KALRN: variants seen among roughly 807,000 people sequenced by gnomAD.
The protein encoded by KALRN is kalirin RhoGEF kinase.
Under a neutral mutation model 353.7 loss-of-function variants are expected in KALRN, and 70 were observed. That is an observed-to-expected ratio of 0.20 (90% CI 0.16 to 0.24). KALRN has a LOEUF of 0.24. Among genes scored for constraint, KALRN ranks in the 10% least tolerant of loss-of-function variants. The pLI is 1.00. For synonymous variants in KALRN, 1,391 were observed against 1,434.8 expected, an observed-to-expected ratio of 0.97 and a Z score of 0.69; for missense variants, 2,791 against 3,756.7, an observed-to-expected ratio of 0.74 and a Z score of 6.72.
intron 51 of KALRN, among the ~76,000 whole-genome samples, chr3:124,689,061 G>A (rs1426248931): frequency 6.6e-6 from 1 of 152,226 alleles, no homozygotes; most frequent in Non-Finnish European, 1.5e-5. Context: ...TTAGGAACCT[G>A]TAGTTCTTTC....
chr3:124,400,344 T>G (rs1010124090), intron 13 of KALRN, among the ~76,000 whole-genome samples: 1 of 152,160 alleles, frequency 6.6e-6, no homozygotes, highest in Non-Finnish European at 1.5e-5. Context: ...TCCTGCCTCC[T>G]TGGGAGAACT....
chr3:124,472,605 G>GTGTA (rs60050774), intron 25 of KALRN, among the ~76,000 whole-genome samples: 1 of 150,274 alleles, frequency 6.7e-6, no homozygotes, highest in African/African-American at 2.5e-5. Context: ...GTGTGTGTGT[G>GTGTA]TACCTGTGTG....
chr3:124,480,265 A>G (rs1215044144), intron 27 of KALRN, among the ~76,000 whole-genome samples: 1 of 152,144 alleles, frequency 6.6e-6, no homozygotes, highest in Admixed American at 6.5e-5. Flanking sequence ...ATCATCCTCA[A>G]ACAAGTCTTG....
intron 34 of KALRN, among the ~76,000 whole-genome samples, chr3:124,573,253 A>G (rs1380615651): frequency 6.6e-6 from 1 of 152,152 alleles, no homozygotes; most frequent in Non-Finnish European, 1.5e-5. Flanking sequence ...ATGGAGCAAG[A>G]CTCCATTTCT....
intron 34 of KALRN, among the ~76,000 whole-genome samples, chr3:124,566,720 G>A (rs898696850): frequency 2.6e-5 from 4 of 152,068 alleles, no homozygotes; most frequent in Admixed American, 6.6e-5. Context: ...TTGGCAAACC[G>A]CCTTTTCTTC....
intron 34 of KALRN, among the ~76,000 whole-genome samples, chr3:124,612,562 C>T (rs929457189): frequency 6.6e-6 from 1 of 152,218 alleles, no homozygotes; most frequent in African/African-American, 2.4e-5. Context: ...GTCTTGAACT[C>T]CTCACCTCAG....
chr3:124,133,116 T>C (rs1397532481), intron 1 of KALRN: 1 of 152,306 alleles, frequency 6.6e-6, no homozygotes, highest in Non-Finnish European at 1.5e-5. Flanking sequence ...CCAATTGATC[T>C]GATGGTGCGG....
At chr3:124,461,527 A>T (rs1051465091) in intron 23 of KALRN, among the ~76,000 whole-genome samples, 1 of 152,156 alleles carries the variant, frequency 6.6e-6, no homozygotes, top group African/African-American at 2.4e-5. Flanking sequence ...GATTCAAGCT[A>T]TCTAGTTTAG....
intron 37 of KALRN, among the ~76,000 whole-genome samples, chr3:124,643,476 ATTT>A (rs1432981533): frequency 2.6e-5 from 4 of 151,892 alleles, no homozygotes; most frequent in African/African-American, 9.7e-5. Flanking sequence ...TTACTTAAGG[ATTT>A]TGTTGTTGTT....
chr3:124,096,932 G>A (rs1295176724), intron 1 of KALRN, among the ~76,000 whole-genome samples: 2 of 152,212 alleles, frequency 1.3e-5, no homozygotes, highest in Non-Finnish European at 1.5e-5. Flanking sequence ...TTCCATGCAC[G>A]TTTGATCACC....
intron 33 of KALRN, among the ~76,000 whole-genome samples, chr3:124,530,235 A>G (rs1455202075): frequency 6.6e-6 from 1 of 152,220 alleles, no homozygotes; most frequent in East Asian, 1.9e-4. Context: ...CATATAGTCC[A>G]TTTGGGAGAG....
intron 6 of KALRN, among the ~76,000 whole-genome samples, chr3:124,323,242 G>T (rs1284221232): frequency 6.6e-6 from 1 of 152,092 alleles, no homozygotes. Context: ...TTTTTCATGC[G>T]GGGAGCCTCT....
At chr3:124,687,925 G>A (rs145996850) in intron 51 of KALRN, among the ~76,000 whole-genome samples, 1 of 152,242 alleles carries the variant, frequency 6.6e-6, no homozygotes, top group Non-Finnish European at 1.5e-5. Flanking sequence ...TGGGAGTAAG[G>A]AACTAGTTGA....
chr3:124,516,051 G>A (rs1390377605), intron 33 of KALRN, among the ~76,000 whole-genome samples: 2 of 152,152 alleles, frequency 1.3e-5, no homozygotes, highest in Non-Finnish European at 2.9e-5. Flanking sequence ...GATCATCATA[G>A]CTTAAGGTTT....
At chr3:124,054,382 T>TAAAAATAAAAATAAAAATAAAAAG (rs368296269) in intron 1 of KALRN, among the ~76,000 whole-genome samples, 1 of 147,016 alleles carries the variant, frequency 6.8e-6, no homozygotes. Flanking sequence ...AAAATAAAAA[T>TAAAAATAAAAATAAAAATAAAAAG]AAAATAAAAT....
intron 1 of KALRN, among the ~76,000 whole-genome samples, chr3:124,138,779 G>T (rs1331527892): frequency 6.6e-6 from 1 of 152,156 alleles, no homozygotes; most frequent in Admixed American, 6.5e-5. Context: ...AGTACAGAGG[G>T]GGTAACTCCT....
chr3:124,671,385 C>G (rs754831700), intron 47 of KALRN, among the ~76,000 whole-genome samples: 1 of 152,222 alleles, frequency 6.6e-6, no homozygotes, highest in Non-Finnish European at 1.5e-5. Context: ...GGCCACAGCT[C>G]TCTTCCGAAG....
At chr3:124,169,397 A>G (rs141695412) in intron 1 of KALRN, among the ~76,000 whole-genome samples, 7 of 152,158 alleles carry the variant, frequency 4.6e-5, no homozygotes, top group African/African-American at 1.7e-4. Context: ...AAGGGCTCAC[A>G]GGAATGGAAC....
At chr3:124,211,032 C>T (rs2076856051) in intron 1 of KALRN, among the ~76,000 whole-genome samples, 1 of 152,202 alleles carries the variant, frequency 6.6e-6, no homozygotes, top group African/African-American at 2.4e-5. Context: ...CAGGAGCTGA[C>T]AGCATGTGGA....
Sources: allele counts gnomAD v4.1 joint callset (sites outside exome capture counted in the v4.1 genomes callset), GRCh38; gene constraint gnomAD v4.1.1; transcripts MANE v1.5; gene names NCBI Gene and HGNC (gene_info 2026-07-23, HGNC 2026-07-21).